The following PSIP1 variants were observed in gnomAD, a reference collection of about 807,000 sequenced individuals.
The protein encoded by PSIP1 is PC4 and SFRS1-interacting protein.
Under a neutral mutation model 74.7 loss-of-function variants are expected in PSIP1, and 19 were observed. That is an observed-to-expected ratio of 0.25 (90% CI 0.18 to 0.37). The LOEUF (loss-of-function observed/expected upper bound fraction) is 0.37. Among genes scored for constraint, PSIP1 ranks in the 10% least tolerant of loss-of-function variants. PSIP1 has a pLI of 1.00. For missense variants in PSIP1, 601 were observed against 614.3 expected (o/e 0.98, Z 0.23); for synonymous variants, 222 against 195.3 (o/e 1.14, Z -1.14).
At position 15,510,276 on chromosome 9, in the gene PSIP1, AGCTACCGGG is replaced by A. The variant is rs1183658171; in HGVS notation, c.-97_-89del. 1 of 1,151,476 alleles carries A rather than the reference AGCTACCGGG, an allele frequency of 8.7e-7. No individual in the cohort carries two copies. Among genetic ancestry groups the A allele is most frequent in the Non-Finnish European group, 1.2e-6 (1 of 830,096 alleles). 71.3% of individuals were successfully genotyped at this position (1,151,476 alleles called of 1,614,324 possible). A position where few individuals can be genotyped will look rare whatever the true frequency, so the allele number is the denominator to read the frequency against. On this transcript the variant is annotated 5_prime_UTR_variant, in exon 2 of 16. Transcript: ENST00000380733. ...GGATGCGGGCGGCGGACGCGGGCCCAGCTACCGGGCCCGCGGGCGGGGGAGGATGCCTCG... is the reference window on the plus strand; with the variant it reads ...GGATGCGGGCGGCGGACGCGGGCCCACCCGCGGGCGGGGGAGGATGCCTCG...
chr9:15,488,457 T>C (rs1246847867), intron 4 of PSIP1, among the ~76,000 whole-genome samples: 2 of 152,330 alleles, frequency 1.3e-5, no homozygotes, highest in East Asian at 3.9e-4. Flanking sequence ...GGACGTTTAT[T>C]GATGAAAGAG....
At chr9:15,473,189 T>A (rs978014612) in intron 9 of PSIP1, among the ~76,000 whole-genome samples, 2 of 152,218 alleles carry the variant, frequency 1.3e-5, no homozygotes, top group African/African-American at 4.8e-5. Context: ...ATTTTATTTT[T>A]CTACACAAAA....
chr9:15,466,349 G>A (rs564406654), intron 15 of PSIP1, among the ~76,000 whole-genome samples: 2 of 152,160 alleles, frequency 1.3e-5, no homozygotes, highest in African/African-American at 4.8e-5. Flanking sequence ...TTGCACTCCA[G>A]CCTGAGCAAC....
At chr9:15,486,772 T>A in intron 5 of PSIP1, 55 bp downstream of exon 5, 1 of 1,281,560 alleles carries the variant, frequency 7.8e-7, no homozygotes, top group Non-Finnish European at 1.1e-6. Context: ...ACTCATTTCA[T>A]TATTTCTTCC....
In PSIP1 at chr9:15,468,693, C is replaced by G; in HGVS notation, c.1357G>C (p.Ala453Pro). ...SLAEQRQHEE[A>P]NKTKDQGKKG... ...TTCCCTTGATCTTTGGTTTTATTCG[C>G]TTCCTCATGCTGTCTTTGTTCAGCA... is the stretch of plus-strand genomic sequence containing the variant. The change falls in exon 14 of 16, where the codon GCG becomes CCG. Residue 453 changes from alanine (A) to proline (P), a missense_variant. By Grantham distance (27) the Ala-to-Pro change is conservative. This residue lies in a region of PSIP1 where 538 missense variants were observed against 507.6 expected (regional missense o/e 1.06). Coordinates refer to ENST00000380733, the MANE Select transcript of PSIP1 (RefSeq NM_033222.5). 6.2e-7 allele frequency: 1 copy of G among 1,614,128 alleles called. No homozygotes were observed.
At position 15,465,579 on chromosome 9, in the gene PSIP1, G is replaced by C. The variant is rs745400847; in HGVS notation, c.1534C>G (p.Pro512Ala). Reference protein sequence around the residue: ...DNHEASTKKKPSSEERETEIS... With the variant: ...DNHEASTKKKASSEERETEIS... ...TCAGTCTCTCTCTCTTCACTGGATG[G>C]CCTGAAGAAAAGGGGGAAAGGTACA... The change falls in exon 16 of 16, where the codon CCA (proline) becomes GCA (alanine). Residue 512 changes from proline (P) to alanine (A), a missense_variant and splice_region_variant. Coordinates refer to ENST00000380733, the MANE Select transcript of PSIP1 (RefSeq NM_033222.5). The C allele has an allele frequency of 4.4e-6, 7 of 1,578,682 alleles. No individual in the cohort carries two copies. The African/African-American group carries it at 6.8e-5, about 15-fold the overall frequency.
chr9:15,493,656 A>G (rs1212420497), intron 3 of PSIP1, among the ~76,000 whole-genome samples: 1 of 152,232 alleles, frequency 6.6e-6, no homozygotes, highest in Non-Finnish European at 1.5e-5. Context: ...GGGAGGCCTC[A>G]GGAAACTTAC....
At chr9:15,479,560 C>G (rs2036245779) in intron 7 of PSIP1, 31 bp downstream of exon 7, 1 of 1,517,538 alleles carries the variant, frequency 6.6e-7, no homozygotes, top group African/African-American at 1.4e-5. Flanking sequence ...AATCACAAGC[C>G]AAACAGATAT....
intron 6 of PSIP1, among the ~76,000 whole-genome samples, chr9:15,484,491 G>A (rs916667637): frequency 1.3e-5 from 2 of 151,722 alleles, no homozygotes; most frequent in Non-Finnish European, 2.9e-5. Flanking sequence ...TTGGGAGGCC[G>A]AGGTGGGTGG....
chr9:15,498,235 G>GC (rs2132191025), intron 3 of PSIP1, among the ~76,000 whole-genome samples: 1 of 152,192 alleles, frequency 6.6e-6, no homozygotes, highest in African/African-American at 2.4e-5. Context: ...GGCCAAGACG[G>GC]CAAAACCCCA....
At chr9:15,484,132 C>CAAA (rs533395028) in intron 6 of PSIP1, among the ~76,000 whole-genome samples, 18 of 52,480 alleles carry the variant, frequency 3.4e-4, no homozygotes, top group African/African-American at 1.0e-3. Flanking sequence ...ACTCTGTATC[C>CAAA]AAAAAAAAAA....
intron 4 of PSIP1, among the ~76,000 whole-genome samples, chr9:15,488,803 C>T (rs1052023585): frequency 3.9e-5 from 6 of 152,010 alleles, no homozygotes; most frequent in Non-Finnish European, 8.8e-5. Flanking sequence ...GGGCGGATCA[C>T]AAGGTCAGGA....
At chr9:15,476,875 G>A (rs112727229) in intron 8 of PSIP1, among the ~76,000 whole-genome samples, 30 of 152,270 alleles carry the variant, frequency 2.0e-4, no homozygotes, top group African/African-American at 7.0e-4. Context: ...ACTATGGTCC[G>A]AAAGTAGGCT....
At chr9:15,466,534 G>A (rs2035638882) in intron 15 of PSIP1, among the ~76,000 whole-genome samples, 2 of 152,226 alleles carry the variant, frequency 1.3e-5, no homozygotes, top group Admixed American at 1.3e-4. Flanking sequence ...TGGGTTCCCA[G>A]CTAGTTCCAT....
At chr9:15,491,449 TACA>T (rs1444439630) in intron 3 of PSIP1, among the ~76,000 whole-genome samples, 5 of 152,244 alleles carry the variant, frequency 3.3e-5, no homozygotes, top group East Asian at 3.8e-4. Flanking sequence ...GAATGACCTG[TACA>T]ACAAGTACTA....
chr9:15,497,991 T>A (rs2037164075), intron 3 of PSIP1, among the ~76,000 whole-genome samples: 1 of 152,206 alleles, frequency 6.6e-6, no homozygotes, highest in African/African-American at 2.4e-5. Flanking sequence ...CTACACACTA[T>A]TTCACTGAAT....
chr9:15,482,192 T>C (rs2036366305), intron 6 of PSIP1, among the ~76,000 whole-genome samples: 1 of 152,178 alleles, frequency 6.6e-6, no homozygotes, highest in Non-Finnish European at 1.5e-5. Flanking sequence ...CTCCACATCC[T>C]TGTTTTGCTG....
intron 10 of PSIP1, chr9:15,472,315 T>C: frequency 9.5e-7 from 1 of 1,056,256 alleles, no homozygotes; most frequent in East Asian, 7.9e-5. Context: ...CCTCTATCTA[T>C]ATGTATTATA....
intron 3 of PSIP1, among the ~76,000 whole-genome samples, chr9:15,499,274 C>T (rs1347931129): frequency 1.3e-5 from 2 of 152,128 alleles, no homozygotes; most frequent in African/African-American, 4.8e-5. Flanking sequence ...GAACTCAGAC[C>T]TCAAATACCA....
Sources: allele counts gnomAD v4.1 joint callset (sites outside exome capture counted in the v4.1 genomes callset), GRCh38; gene constraint gnomAD v4.1.1; regional missense constraint gnomAD v4.1.1; transcripts MANE v1.5; gene names NCBI Gene and HGNC (gene_info 2026-07-23, HGNC 2026-07-21).